GAPVD1: variants seen among roughly 807,000 people sequenced by gnomAD.
GAPVD1 encodes GTPase-activating protein and VPS9 domain-containing protein 1.
GAPVD1 carries 35 observed loss-of-function variants against 155.5 expected under a neutral mutation model. That is an observed-to-expected ratio of 0.23 (90% CI 0.17 to 0.30). GAPVD1 has a LOEUF of 0.30. Ranked by LOEUF, GAPVD1 falls within the 10% of genes least tolerant of loss-of-function variation. GAPVD1 has a pLI of 1.00. For synonymous variants in GAPVD1, 636 were observed against 619.7 expected (o/e 1.03, Z -0.39); for missense variants, 1,429 against 1,775.7 (o/e 0.80, Z 3.51).
intron 10 of GAPVD1, among the ~76,000 whole-genome samples, chr9:125,322,533 G>A (rs1486924489): frequency 6.6e-6 from 1 of 152,076 alleles, no homozygotes; most frequent in Non-Finnish European, 1.5e-5. Context: ...TCAAAATTTT[G>A]TTGATAGCAG....
intron 1 of GAPVD1, among the ~76,000 whole-genome samples, chr9:125,268,009 A>C (rs1170008515): frequency 1.3e-5 from 2 of 151,974 alleles, no homozygotes; most frequent in Non-Finnish European, 2.9e-5. Context: ...CTAAAAATAC[A>C]AAAAATTAGC....
intron 15 of GAPVD1, among the ~76,000 whole-genome samples, chr9:125,335,666 A>C (rs1396285884): frequency 6.6e-6 from 1 of 151,974 alleles, no homozygotes; most frequent in African/African-American, 2.4e-5. Flanking sequence ...ACAGAGTGAG[A>C]CTCTGTCTCA....
intron 2 of GAPVD1, among the ~76,000 whole-genome samples, chr9:125,293,104 G>T (rs1039066453): frequency 1.3e-5 from 2 of 152,156 alleles, no homozygotes; most frequent in African/African-American, 4.8e-5. Flanking sequence ...CAAAAGGAAA[G>T]GACCAATGTG....
intron 2 of GAPVD1, among the ~76,000 whole-genome samples, chr9:125,274,707 C>T (rs1264840797): frequency 6.6e-6 from 1 of 152,120 alleles, no homozygotes; most frequent in Admixed American, 6.6e-5. Context: ...GGTAATCCAC[C>T]CACCTTGGCC....
intron 19 of GAPVD1, 69 bp from the exon 20 acceptor site, chr9:125,346,750 G>T (rs2132262052): frequency 8.6e-7 from 1 of 1,168,122 alleles, no homozygotes; most frequent in Non-Finnish European, 1.3e-6. Flanking sequence ...TATGCTACTG[G>T]TGTCATACTA....
At chr9:125,350,904 C>T (rs777933375) in intron 23 of GAPVD1, 32 bp downstream of exon 23, 2 of 1,536,512 alleles carry the variant, frequency 1.3e-6, no homozygotes, top group South Asian at 2.4e-5. Flanking sequence ...GCTTTTAAAC[C>T]TAGTTGTTAG....
chr9:125,356,279 T>C (rs1203994920), intron 25 of GAPVD1, among the ~76,000 whole-genome samples: 1 of 152,200 alleles, frequency 6.6e-6, no homozygotes, highest in African/African-American at 2.4e-5. Flanking sequence ...TTGACATCTG[T>C]TTGAGTCATG....
intron 12 of GAPVD1, among the ~76,000 whole-genome samples, chr9:125,327,643 G>A (rs1271856515): frequency 6.6e-6 from 1 of 151,992 alleles, no homozygotes; most frequent in Non-Finnish European, 1.5e-5. Flanking sequence ...AGCTGGGACT[G>A]CAGGTGCCCA....
intron 2 of GAPVD1, among the ~76,000 whole-genome samples, chr9:125,286,665 G>A (rs1021740503): frequency 6.6e-6 from 1 of 152,198 alleles, no homozygotes; most frequent in Non-Finnish European, 1.5e-5. Context: ...AGCTGCTTAT[G>A]TTTGGCCATG....
chr9:125,283,525 T>TTTA (rs1332352181), intron 2 of GAPVD1, among the ~76,000 whole-genome samples: 1 of 151,818 alleles, frequency 6.6e-6, no homozygotes, highest in Non-Finnish European at 1.5e-5. Flanking sequence ...CACCTGGCTA[T>TTTA]TTATTATTAT....
At chr9:125,327,438 G>A (rs1381943631) in intron 12 of GAPVD1, among the ~76,000 whole-genome samples, 1 of 152,050 alleles carries the variant, frequency 6.6e-6, no homozygotes, top group Non-Finnish European at 1.5e-5. Context: ...ATGTTGCTGG[G>A]GTTTGGTGTA....
intron 10 of GAPVD1, 41 bp from the exon 11 acceptor site, chr9:125,323,757 C>A (rs374411640): frequency 6.2e-7 from 1 of 1,607,548 alleles, no homozygotes; most frequent in Non-Finnish European, 8.5e-7. Context: ...TGGCTCATGA[C>A]TGTTTTAAAA....
Position 125,365,331 on chromosome 9 carries a change from T to TG in GAPVD1, c.*2585_*2586insG, listed in dbSNP as rs1384763231. On this transcript the variant is annotated 3_prime_UTR_variant, in exon 28 of 28. Transcript: ENST00000297933. ...GGGAGTGATTTGATTTTTTTTTTTT[T>TG]TTTTAATAGAAAAGAGGAATAGTTG... The TG allele has an allele frequency of 1.3e-5, 2 of 151,868 alleles. No individual in the cohort carries two copies. The highest frequency in any genetic ancestry group is 2.9e-5 in the Non-Finnish European group (2 of 67,966). The allele number at this position is 151,868 out of a possible 1,614,324, so 9.4% of individuals were successfully genotyped here.
intron 3 of GAPVD1, among the ~76,000 whole-genome samples, chr9:125,296,748 G>C (rs1036975348): frequency 4.0e-5 from 6 of 148,428 alleles, no homozygotes; most frequent in Admixed American, 6.9e-5. Context: ...TGCAACCTCT[G>C]CCTCCTGGGT....
intron 1 of GAPVD1, chr9:125,264,161 G>A: frequency 1.5e-6 from 1 of 675,856 alleles, no homozygotes. Flanking sequence ...CATAATCAGG[G>A]AGATAAAAAA....
chr9:125,318,604 TTTAAG>T (rs1189037966), intron 9 of GAPVD1, among the ~76,000 whole-genome samples: 2 of 152,206 alleles, frequency 1.3e-5, no homozygotes, highest in Non-Finnish European at 2.9e-5. Flanking sequence ...TGGTGAATAG[TTTAAG>T]TTATCTAATT....
rs866131895 is a variant in GAPVD1 at position 125,360,635 on chromosome 9, T to G, written c.4152T>G (p.Ser1384=). Residue 1384 remains serine (S), a synonymous_variant, in exon 27 of 28, where the codon TCT becomes TCG. Transcript: ENST00000297933. The part of the protein sequence containing the change: ...DKVQCILRMC[S]TIMNLLSLAN... The stretch of plus-strand genomic sequence containing the variant: ...TGCAGTGCATCCTGAGAATGTGCTC[T>G]ACGATTATGAACCTCCTGAGCCTGG... 9.9e-6 allele frequency: 16 copies of G among 1,614,004 alleles called. No homozygotes were observed. The Middle Eastern group carries it at 2.6e-3, about 266-fold the overall frequency.
chr9:125,359,745 C>G, intron 26 of GAPVD1: 1 of 440,842 alleles, frequency 2.3e-6, no homozygotes, highest in Non-Finnish European at 4.1e-6. Context: ...GCCCTGCTCT[C>G]AGGGGCAGTA....
At chr9:125,321,634 T>C in intron 10 of GAPVD1, 72 bp downstream of exon 10, 1 of 1,352,494 alleles carries the variant, frequency 7.4e-7, no homozygotes, top group Non-Finnish European at 1.0e-6. Context: ...TAAAGGAGCT[T>C]ATAAATTATA....
Sources: allele counts gnomAD v4.1 joint callset (sites outside exome capture counted in the v4.1 genomes callset), GRCh38; gene constraint gnomAD v4.1.1; transcripts MANE v1.5; gene names NCBI Gene and HGNC (gene_info 2026-07-23, HGNC 2026-07-21).